ALDH1A1: variants seen among roughly 807,000 people sequenced by gnomAD.
The protein encoded by ALDH1A1 is aldehyde dehydrogenase 1A1.
A neutral mutation model predicts 62.1 loss-of-function variants in ALDH1A1; 19 were observed. That is an observed-to-expected ratio of 0.31 (90% CI 0.21 to 0.45). The LOEUF (loss-of-function observed/expected upper bound fraction) is 0.45, where lower values mean the gene tolerates loss of function less well. Ranked by LOEUF, ALDH1A1 falls within the 20% of genes least tolerant of loss-of-function variation. ALDH1A1 has a pLI of 1.00. For missense variants in ALDH1A1, 521 were observed against 607.1 expected, an observed-to-expected ratio of 0.86 and a Z score of 1.49; for synonymous variants, 231 against 215.9, an observed-to-expected ratio of 1.07 and a Z score of -0.61.
In ALDH1A1 at chr9:72,930,875, T is replaced by C. The variant is rs77340656; in HGVS notation, c.312+4A>G. 1 of 1,613,924 alleles carries C rather than the reference T, an allele frequency of 6.2e-7. No homozygotes were observed. Among genetic ancestry groups the C allele is most frequent in the Non-Finnish European group, 8.5e-7 (1 of 1,179,890 alleles). ...GCTACCCATCCAGCTTGGATAATAC[T>C]CACCGCCAGCAGCAGACGATCTCTT... is the stretch of plus-strand genomic sequence containing the variant. On this transcript the variant is annotated splice_donor_region_variant and intron_variant, in intron 3 of 12. Coordinates refer to ENST00000297785, the MANE Select transcript of ALDH1A1 (RefSeq NM_000689.5).
rs78483376 is a variant in ALDH1A1, at chr9:72,939,035, G to A, written c.171+1113C>T. 2.2e-3 allele frequency among the ~76,000 whole-genome samples: 331 copies of A among 152,166 alleles called. 1 individual carries two copies. Among genetic ancestry groups the A allele is most frequent in the African/African-American group, 7.7e-3 (320 of 41,490 alleles). On this transcript the variant is annotated intron_variant, in intron 2 of 12. Transcript: ENST00000297785. ...TGGGATTACAGGTGAGAGCCACTGC[G>A]CCCGGCCAACCCTATCTTACTTTCA...
Position 72,925,515 on chromosome 9 carries a change from G to C in ALDH1A1, c.602C>G (p.Thr201Ser). 6.2e-7 allele frequency: 1 copy of C among 1,614,060 alleles called. No individual in the cohort carries two copies. The highest frequency in any genetic ancestry group is 8.5e-7 in the Non-Finnish European group (1 of 1,179,912). Residue 201 changes from threonine to serine, a missense_variant, in exon 6 of 13, where the codon ACT (threonine) becomes AGT (serine). Thr to Ser is a moderately conservative substitution (Grantham distance 58). Coordinates refer to ENST00000297785, the MANE Select transcript of ALDH1A1 (RefSeq NM_000689.5). Reference sequence around the variant, plus strand: ...TATTAAAGATGCCACGTGGAGAGCAGTGAGAGGAGTTTGCTCTGCTGGTTT... The same window carrying C: ...TATTAAAGATGCCACGTGGAGAGCACTGAGAGGAGTTTGCTCTGCTGGTTT... The part of the protein sequence containing the change: ...VVKPAEQTPL[T>S]ALHVASLIKE...
chr9:72,907,361 A>G (rs1829889481), intron 11 of ALDH1A1, among the ~76,000 whole-genome samples: 1 of 152,194 alleles, frequency 6.6e-6, no homozygotes, highest in Non-Finnish European at 1.5e-5. Context: ...GGACAATGCC[A>G]GAAAATTATT....
chr9:72,930,662 T>C (rs1830269474), intron 3 of ALDH1A1, among the ~76,000 whole-genome samples: 1 of 152,206 alleles, frequency 6.6e-6, no homozygotes, highest in South Asian at 2.1e-4. Context: ...CCGTAGAATC[T>C]ATTATGGGAG....
In ALDH1A1 at chr9:72,940,204, G is replaced by T. The variant is rs762091548; in HGVS notation, c.115C>A (p.Pro39Thr). 1.9e-6 allele frequency: 3 copies of T among 1,613,766 alleles called. No homozygotes were observed. In the South Asian group the frequency reaches 3.3e-5, roughly 18 times the overall value. ...TCCTCAGTTGCAGGATTAAAGACAG[G>T]AAATTTCTTGCCACTCACTGAATCA... The part of the protein sequence containing the change: ...WHDSVSGKKF[P>T]VFNPATEEEL... Residue 39 changes from proline to threonine, a missense_variant, in exon 2 of 13, where the codon CCT (proline) becomes ACT (threonine). Coordinates refer to ENST00000297785, the MANE Select transcript of ALDH1A1 (RefSeq NM_000689.5).
chr9:72,951,670 C>T (rs763584064), intron 1 of ALDH1A1, among the ~76,000 whole-genome samples: 32 of 151,840 alleles, frequency 2.1e-4, no homozygotes, highest in Non-Finnish European at 4.0e-4. Context: ...ACTCTTGCAA[C>T]CTTTTGGACA....
intron 1 of ALDH1A1, 35 bp downstream of exon 1, chr9:72,952,900 C>T (rs1165983998): frequency 1.2e-6 from 2 of 1,607,882 alleles, no homozygotes; most frequent in East Asian, 2.2e-5. Flanking sequence ...TTTTTGCAAA[C>T]CCGAGTCAAA....
At chr9:72,916,146 A>G (rs537073726) in intron 9 of ALDH1A1, among the ~76,000 whole-genome samples, 2 of 152,266 alleles carry the variant, frequency 1.3e-5, no homozygotes, top group East Asian at 3.9e-4. Flanking sequence ...GGTAGTGACA[A>G]CTTAAAATAT....
chr9:72,930,981 A>G lies in ALDH1A1; in HGVS notation c.210T>C (p.Ala70=). 1 of 1,614,032 alleles carries G rather than the reference A, an allele frequency of 6.2e-7. No homozygotes were observed. Among genetic ancestry groups the G allele is most frequent in the South Asian group, 1.1e-5 (1 of 91,078 alleles). The change falls in exon 3 of 13, where the codon GCT becomes GCC. Residue 70 remains alanine (A), a synonymous_variant. Coordinates refer to ENST00000297785, the MANE Select transcript of ALDH1A1 (RefSeq NM_000689.5). ...VDKAVKAARQ[A]FQIGSPWRTM... is the part of the protein sequence containing the mutation. ...TACGCCACGGGGATCCAATCTGAAA[A>G]GCCTGTCTTGCGGCCTTCACTGCCT...
chr9:72,901,357 G>A lies in ALDH1A1; in HGVS notation c.1434-77C>T, dbSNP rs139627435. Reference sequence around the variant, plus strand: ...ATATACTGTAGTTCATGTTTGGTACGAGTTTGTTCTTGTTTTACTGGCTAG... The same window carrying A: ...ATATACTGTAGTTCATGTTTGGTACAAGTTTGTTCTTGTTTTACTGGCTAG... On this transcript the variant is annotated intron_variant, in intron 12 of 12. Coordinates refer to ENST00000297785, the MANE Select transcript of ALDH1A1 (RefSeq NM_000689.5). The A allele has an allele frequency of 8.4e-4, 878 of 1,042,000 alleles. 6 individuals are homozygous for A. The Admixed American group carries it at 0.01, about 12-fold the overall frequency. The allele number at this position is 1,042,000 out of a possible 1,614,324, so 64.5% of individuals were successfully genotyped here. A position where few individuals can be genotyped will look rare whatever the true frequency, so the allele number is the denominator to read the frequency against.
At chr9:72,901,345 C>A in intron 12 of ALDH1A1, 65 bp from the exon 13 acceptor site, 1 of 1,140,934 alleles carries the variant, frequency 8.8e-7, no homozygotes, top group South Asian at 1.4e-5. Context: ...TACTGTAGTT[C>A]ATGTTTGGTA....
intron 9 of ALDH1A1, among the ~76,000 whole-genome samples, chr9:72,915,642 C>T (rs778337926): frequency 6.6e-6 from 1 of 152,098 alleles, no homozygotes; most frequent in East Asian, 1.9e-4. Context: ...ACCTCACTTG[C>T]CGCTTATTTT....
intron 7 of ALDH1A1, among the ~76,000 whole-genome samples, chr9:72,921,858 A>G (rs1830150414): frequency 6.6e-6 from 1 of 151,998 alleles, no homozygotes; most frequent in South Asian, 2.1e-4. Context: ...TGTGGTGGAC[A>G]ATGGGAACTC....
chr9:72,908,985 G>T (rs369884774), intron 11 of ALDH1A1, among the ~76,000 whole-genome samples: 1 of 152,024 alleles, frequency 6.6e-6, no homozygotes, highest in Non-Finnish European at 1.5e-5. Flanking sequence ...AGTAAATATT[G>T]TTCTTACTCT....
intron 8 of ALDH1A1, among the ~76,000 whole-genome samples, chr9:72,917,507 A>G (rs1322620366): frequency 6.6e-6 from 1 of 152,170 alleles, no homozygotes; most frequent in Non-Finnish European, 1.5e-5. Context: ...ATCGAATTAA[A>G]TAATTTCAAA....
intron 1 of ALDH1A1, among the ~76,000 whole-genome samples, chr9:72,942,743 C>T (rs1830430571): frequency 6.6e-6 from 1 of 152,104 alleles, no homozygotes; most frequent in African/African-American, 2.4e-5. Flanking sequence ...TTTTTTGCAG[C>T]ATGCTTTTAT....
intron 2 of ALDH1A1, among the ~76,000 whole-genome samples, chr9:72,932,272 A>AT (rs1393148641): frequency 1.3e-5 from 2 of 152,164 alleles, no homozygotes; most frequent in Admixed American, 6.6e-5. Flanking sequence ...ATGACCCTAG[A>AT]TTTTTTTAAA....
rs1407507428 is a variant in ALDH1A1, at chr9:72,901,166, T to C, written c.*42A>G. ...TACTATATTAGTGACTGTAAGGAGA[T>C]GCTTAGCTATTGAAGAGCTTCTCTC... On this transcript the variant is annotated 3_prime_UTR_variant, in exon 13 of 13. Coordinates refer to ENST00000297785, the MANE Select transcript of ALDH1A1 (RefSeq NM_000689.5). 3 of 1,437,904 alleles carry C rather than the reference T, an allele frequency of 2.1e-6. No individual in the cohort carries two copies. The African/African-American group carries it at 4.2e-5, about 20-fold the overall frequency. 89.1% of individuals were successfully genotyped at this position (1,437,904 alleles called of 1,614,324 possible).
At chr9:72,929,058 T>TAA (rs8187922) in intron 3 of ALDH1A1, 37 bp from the exon 4 acceptor site, 1,435,143 of 1,597,518 alleles carry the variant, frequency 0.9, 645,949 homozygotes, top group East Asian at 0.99. Context: ...TAAAATTCCA[T>TAA]AAGTTTTAGA....
Sources: gnomAD v4.1 joint callset for allele counts (sites outside exome capture counted in the v4.1 genomes callset) on GRCh38, gnomAD v4.1.1 for gene constraint, MANE v1.5 for transcripts, NCBI Gene and HGNC (gene_info 2026-07-23, HGNC 2026-07-21) for gene names.